GNAQ: variants seen among roughly 807,000 people sequenced by gnomAD.
The protein encoded by GNAQ is guanine nucleotide-binding protein G(q) subunit alpha.
In GNAQ, 8 loss-of-function variants were observed where a neutral mutation model predicts 43.9. The ratio of observed to expected loss-of-function variants is 0.18; its 90% CI spans 0.11 to 0.33. The LOEUF is 0.33. Among genes scored for constraint, GNAQ ranks in the 10% least tolerant of loss-of-function variants. GNAQ has a pLI of 1.00. For synonymous variants in GNAQ, 155 were observed against 170.7 expected (o/e 0.91, Z 0.71); for missense variants, 158 against 450.8 (o/e 0.35, Z 5.88).
chr9:77,981,746 A>G (rs946644139), intron 1 of GNAQ, among the ~76,000 whole-genome samples: 5 of 152,190 alleles, frequency 3.3e-5, no homozygotes, highest in East Asian at 3.8e-4. Context: ...ACATGTCTCA[A>G]GAACTCATTA....
At chr9:77,778,725 C>A (rs1826343686) in intron 5 of GNAQ, among the ~76,000 whole-genome samples, 1 of 151,634 alleles carries the variant, frequency 6.6e-6, no homozygotes, top group Non-Finnish European at 1.5e-5. Context: ...GAATAAAAAA[C>A]AAATGAATGA....
At chr9:77,836,286 T>C (rs561328831) in intron 2 of GNAQ, among the ~76,000 whole-genome samples, 1 of 152,174 alleles carries the variant, frequency 6.6e-6, no homozygotes, top group South Asian at 2.1e-4. Context: ...CCCAATATCC[T>C]TTCAGGTATT....
intron 2 of GNAQ, among the ~76,000 whole-genome samples, chr9:77,908,798 GC>G (rs1828753422): frequency 6.6e-6 from 1 of 152,126 alleles, no homozygotes; most frequent in Non-Finnish European, 1.5e-5. Context: ...TTTACTTTGG[GC>G]TGCTTCAGCA....
intron 1 of GNAQ, among the ~76,000 whole-genome samples, chr9:77,923,496 T>A (rs1022897219): frequency 2.6e-5 from 4 of 152,150 alleles, no homozygotes; most frequent in African/African-American, 9.7e-5. Context: ...AATGACAGCA[T>A]ATTTCTCCTA....
intron 6 of GNAQ, among the ~76,000 whole-genome samples, chr9:77,724,171 G>T (rs1825361390): frequency 6.6e-6 from 1 of 151,798 alleles, no homozygotes. Context: ...TTTCAAGTTA[G>T]TTCTATACCA....
intron 2 of GNAQ, among the ~76,000 whole-genome samples, chr9:77,860,078 TTTAA>T (rs1365647611): frequency 5.9e-5 from 9 of 152,206 alleles, no homozygotes. Context: ...AACGTCTCCA[TTTAA>T]TAGAAGCCAT....
intron 5 of GNAQ, among the ~76,000 whole-genome samples, chr9:77,787,347 G>A (rs1826496851): frequency 6.6e-6 from 1 of 152,200 alleles, no homozygotes; most frequent in Admixed American, 6.5e-5. Context: ...TCTTGGCAAA[G>A]TTCTGTTTCT....
At chr9:77,808,400 C>G (rs1826861821) in intron 3 of GNAQ, among the ~76,000 whole-genome samples, 1 of 149,290 alleles carries the variant, frequency 6.7e-6, no homozygotes, top group South Asian at 2.2e-4. Flanking sequence ...ATGTGGCCCA[C>G]TAGATAACAA....
chr9:77,889,764 G>A (rs1184530958), intron 2 of GNAQ, among the ~76,000 whole-genome samples: 1 of 151,976 alleles, frequency 6.6e-6, no homozygotes, highest in Non-Finnish European at 1.5e-5. Context: ...GTCAAAATAC[G>A]TCACCGCTTA....
At chr9:77,978,843 G>T (rs902887133) in intron 1 of GNAQ, among the ~76,000 whole-genome samples, 1 of 152,108 alleles carries the variant, frequency 6.6e-6, no homozygotes, top group Non-Finnish European at 1.5e-5. Flanking sequence ...TGGATCAATT[G>T]AGGTCAGTTC....
At chr9:77,789,145 AT>A (rs1453196988) in intron 5 of GNAQ, among the ~76,000 whole-genome samples, 1 of 152,152 alleles carries the variant, frequency 6.6e-6, no homozygotes. Flanking sequence ...TCACCATCCA[AT>A]CCTTACTGTC....
intron 5 of GNAQ, among the ~76,000 whole-genome samples, chr9:77,763,024 G>GCAGC (rs1464324179): frequency 6.6e-6 from 1 of 151,412 alleles, no homozygotes. Context: ...TTTATCTGCT[G>GCAGC]ACCTTCCCTC....
chr9:77,944,687 C>T (rs189419422), intron 1 of GNAQ, among the ~76,000 whole-genome samples: 1 of 152,292 alleles, frequency 6.6e-6, no homozygotes, highest in African/African-American at 2.4e-5. Context: ...CACTTTGACA[C>T]TAACTTAGCT....
chr9:77,857,125 A>C (rs75231157), intron 2 of GNAQ, among the ~76,000 whole-genome samples: 1 of 152,204 alleles, frequency 6.6e-6, no homozygotes, highest in Non-Finnish European at 1.5e-5. Flanking sequence ...GCAAGGCAGC[A>C]GAGTGAAATT....
In GNAQ at chr9:77,716,805, G is replaced by C. The variant is rs1370437149; in HGVS notation, c.*4518C>G. ...TCATACGGGGAAATGGAGGACACAG[G>C]GTAGATAAGGAAGGCAAGGAGGAAA... is the stretch of plus-strand genomic sequence containing the variant. On this transcript the variant is annotated 3_prime_UTR_variant, in exon 7 of 7. Coordinates refer to ENST00000286548, the MANE Select transcript of GNAQ (RefSeq NM_002072.5). 4.3e-6 allele frequency: 1 copy of C among 232,712 alleles called. No homozygotes were observed. Among genetic ancestry groups the C allele is most frequent in the Non-Finnish European group, 8.5e-6 (1 of 117,848 alleles). 14.4% of individuals were successfully genotyped at this position (232,712 alleles called of 1,614,324 possible).
intron 5 of GNAQ, among the ~76,000 whole-genome samples, chr9:77,730,012 G>A (rs1160287365): frequency 6.6e-6 from 1 of 152,198 alleles, no homozygotes; most frequent in Non-Finnish European, 1.5e-5. Context: ...GTGTGGAAAA[G>A]GAATCATGGA....
intron 2 of GNAQ, among the ~76,000 whole-genome samples, chr9:77,849,952 T>C (rs563091428): frequency 6.6e-6 from 1 of 152,314 alleles, no homozygotes; most frequent in African/African-American, 2.4e-5. Context: ...CTTGACAGTA[T>C]TTGATAATGC....
At chr9:77,882,955 T>C (rs1404591620) in intron 2 of GNAQ, among the ~76,000 whole-genome samples, 1 of 152,198 alleles carries the variant, frequency 6.6e-6, no homozygotes, top group Non-Finnish European at 1.5e-5. Context: ...CAAACACATA[T>C]ATCAAAGCCA....
chr9:77,908,182 G>A (rs1310073512), intron 2 of GNAQ, among the ~76,000 whole-genome samples: 1 of 151,952 alleles, frequency 6.6e-6, no homozygotes, highest in Non-Finnish European at 1.5e-5. Context: ...TTCGTTATTC[G>A]ACTATCTGCC....
Sources: gnomAD v4.1 joint callset for allele counts (sites outside exome capture counted in the v4.1 genomes callset) on GRCh38, gnomAD v4.1.1 for gene constraint, MANE v1.5 for transcripts, NCBI Gene and HGNC (gene_info 2026-07-23, HGNC 2026-07-21) for gene names.